Variants in CSMD2 observed in about 807,000 individuals in gnomAD.
CSMD2 encodes the protein CUB and sushi domain-containing protein 2.
CSMD2 carries 130 observed loss-of-function variants against 398.5 expected under a neutral mutation model. The ratio of observed to expected loss-of-function variants is 0.33; its 90% CI spans 0.28 to 0.38. The LOEUF (loss-of-function observed/expected upper bound fraction) is 0.38. CSMD2 is among the 10% of genes least tolerant of loss of function. The pLI, the probability that CSMD2 is intolerant of heterozygous loss-of-function variation, is 1.00. For missense variants in CSMD2, 3,829 were observed against 4,764.9 expected (o/e 0.80, Z 5.78); for synonymous variants, 1,828 against 1,908.5 (o/e 0.96, Z 1.10).
chr1:34,085,900 C>G (rs1240898582), intron 2 of CSMD2, among the ~76,000 whole-genome samples: 4 of 151,980 alleles, frequency 2.6e-5, no homozygotes, highest in Admixed American at 6.6e-5. Context: ...GAAACACTTC[C>G]CACAGACTGT....
intron 38 of CSMD2, 21 bp downstream of exon 38, chr1:33,617,478 C>T: frequency 6.4e-7 from 1 of 1,569,898 alleles, no homozygotes; most frequent in Non-Finnish European, 8.8e-7. Context: ...GTTTCCTGCT[C>T]TAGGGTGTCA....
chr1:33,799,025 G>A (rs1272255560), intron 10 of CSMD2, among the ~76,000 whole-genome samples: 1 of 152,140 alleles, frequency 6.6e-6, no homozygotes, highest in Non-Finnish European at 1.5e-5. Context: ...TTCCTAACTG[G>A]GCTGTCTGTC....
intron 52 of CSMD2, 44 bp downstream of exon 52, chr1:33,569,330 C>G: frequency 1.3e-6 from 2 of 1,572,306 alleles, no homozygotes; most frequent in Non-Finnish European, 1.7e-6. Context: ...TAATCTATCT[C>G]AAGGAGAAAA....
At chr1:33,945,264 A>G (rs1394106934) in intron 3 of CSMD2, among the ~76,000 whole-genome samples, 1 of 152,202 alleles carries the variant, frequency 6.6e-6, no homozygotes, top group Non-Finnish European at 1.5e-5. Context: ...CTTCTACAGT[A>G]TAAGGATATC....
chr1:33,517,437 G>A (rs1653865516), intron 70 of CSMD2, among the ~76,000 whole-genome samples: 1 of 152,210 alleles, frequency 6.6e-6, no homozygotes, highest in Non-Finnish European at 1.5e-5. Context: ...ACTGTGTGGA[G>A]GTCAGCGGCA....
chr1:34,066,587 G>A (rs9425898), intron 2 of CSMD2, among the ~76,000 whole-genome samples: 2,296 of 152,302 alleles, frequency 0.015, 73 homozygotes, highest in African/African-American at 0.052. Context: ...TGGCTCTGAC[G>A]TGGAGTTAGA....
intron 1 of CSMD2, among the ~76,000 whole-genome samples, chr1:34,160,297 A>C (rs7552457): frequency 0.23 from 35,309 of 152,118 alleles, 4,633 homozygotes; most frequent in Admixed American, 0.33. Context: ...TAAAAACCAT[A>C]AACCCTCAGC....
At chr1:33,947,092 A>G (rs1644862120) in intron 3 of CSMD2, among the ~76,000 whole-genome samples, 2 of 152,156 alleles carry the variant, frequency 1.3e-5, no homozygotes. Flanking sequence ...CCCTGAACCA[A>G]TCCTGGCAAA....
intron 55 of CSMD2, among the ~76,000 whole-genome samples, chr1:33,555,376 A>G (rs778150246): frequency 7.2e-5 from 11 of 152,238 alleles, no homozygotes; most frequent in Non-Finnish European, 1.3e-4. Context: ...TCAGGAAACT[A>G]CTTTTGGTGA....
chr1:33,524,871 C>T lies in CSMD2; in HGVS notation c.10396+11G>A. 6.2e-7 allele frequency: 1 copy of T among 1,613,636 alleles called. No individual in the cohort carries two copies. Among genetic ancestry groups the T allele is most frequent in the South Asian group, 1.1e-5 (1 of 91,044 alleles). On this transcript the variant is annotated intron_variant, in intron 66 of 70. Coordinates refer to ENST00000373381, the MANE Select transcript of CSMD2 (RefSeq NM_001281956.2). ...ATCCTCCCGGCTTTCATAGAGGGGC[C>T]TGCTCCTTACCAGCCAAGTGCAGCT...
chr1:33,679,866 C>T (rs1286052939), intron 25 of CSMD2, among the ~76,000 whole-genome samples: 2 of 151,774 alleles, frequency 1.3e-5, no homozygotes, highest in African/African-American at 4.8e-5. Context: ...TGCATTTTAT[C>T]ATATGAAAGC....
At chr1:34,060,513 G>A (rs1188097928) in intron 2 of CSMD2, among the ~76,000 whole-genome samples, 1 of 152,162 alleles carries the variant, frequency 6.6e-6, no homozygotes, top group Non-Finnish European at 1.5e-5. Flanking sequence ...AGCCTGGGGG[G>A]AGCTCTGAGG....
intron 2 of CSMD2, among the ~76,000 whole-genome samples, chr1:34,086,030 AAAAAAG>A (rs919104783): frequency 8.6e-5 from 13 of 151,604 alleles, no homozygotes; most frequent in Admixed American, 3.3e-4. Flanking sequence ...GAAAAAAAAA[AAAAAAG>A]AAAGAAAGAA....
At chr1:33,607,173 C>T (rs1156577908) in intron 41 of CSMD2, among the ~76,000 whole-genome samples, 4 of 152,152 alleles carry the variant, frequency 2.6e-5, no homozygotes, top group African/African-American at 9.7e-5. Context: ...ACAGAACCCT[C>T]CTGAGAAATT....
intron 24 of CSMD2, 144 bp from the exon 25 acceptor site, chr1:33,693,200 C>A (rs569630740): frequency 2.1e-6 from 2 of 945,314 alleles, no homozygotes; most frequent in African/African-American, 1.7e-5. Flanking sequence ...ATTAAAAGGT[C>A]TCTGGATGAG....
chr1:33,610,232 T>C (rs1449275493), intron 41 of CSMD2, among the ~76,000 whole-genome samples: 9 of 152,164 alleles, frequency 5.9e-5, no homozygotes, highest in Non-Finnish European at 1.2e-4. Flanking sequence ...TTAGATTTTT[T>C]TTTTTTTTTT....
intron 3 of CSMD2, among the ~76,000 whole-genome samples, chr1:33,972,685 C>T (rs1645815964): frequency 6.6e-6 from 1 of 152,150 alleles, no homozygotes; most frequent in Admixed American, 6.5e-5. Flanking sequence ...CTAGAGCCTC[C>T]AGAAGGAATC....
intron 1 of CSMD2, among the ~76,000 whole-genome samples, chr1:34,139,435 G>A (rs1026270628): frequency 8.5e-5 from 13 of 152,180 alleles, no homozygotes; most frequent in Admixed American, 8.5e-4. Flanking sequence ...AGAATTGTAA[G>A]AGATAAATTC....
At chr1:33,540,789 C>T in intron 59 of CSMD2, 91 bp from the exon 60 acceptor site, 1 of 1,414,700 alleles carries the variant, frequency 7.1e-7, no homozygotes, top group South Asian at 1.3e-5. Flanking sequence ...TACCCTGCAC[C>T]CACCTAGAGC....
Sources: gnomAD v4.1 joint callset for allele counts (sites outside exome capture counted in the v4.1 genomes callset) on GRCh38, gnomAD v4.1.1 for gene constraint, MANE v1.5 for transcripts, NCBI Gene and HGNC (gene_info 2026-07-23, HGNC 2026-07-21) for gene names.